The following C5 variants were observed in gnomAD, a reference collection of about 807,000 sequenced individuals.
C5 encodes the protein complement C5.
C5 carries 140 observed loss-of-function variants against 218.8 expected under a neutral mutation model. The ratio of observed to expected loss-of-function variants is 0.64; its 90% confidence interval spans 0.56 to 0.74. The LOEUF (loss-of-function observed/expected upper bound fraction) is 0.74, where lower values mean the gene tolerates loss of function less well. C5 is among the 30% of genes least tolerant of loss of function. The pLI is 0.00. For missense variants in C5, 1,700 were observed against 1,969.6 expected (o/e 0.86, Z 2.59); for synonymous variants, 614 against 682.3 (o/e 0.90, Z 1.56).
chr9:120,963,504 C>CAA (rs111500884), intron 34 of C5, 132 bp downstream of exon 34: 13,051 of 630,438 alleles, frequency 0.021, 783 homozygotes, highest in African/African-American at 0.19. Context: ...AATCCACCTC[C>CAA]AAAAAAAAAA....
rs1285010340 is a variant in C5, at chr9:121,017,491, T to C, written c.1737A>G (p.Ala579=). The change falls in exon 14 of 41, where the codon GCA becomes GCG. Residue 579 remains alanine (A), a synonymous_variant. Transcript: ENST00000223642. ...NQLQVHLSPD[A]DAYSPGQTVS... ...CAGTTTGGCCTGGAGAATATGCATCTGCATCAGGAGACAGATGAACCTAAA... is the reference window on the plus strand; with the variant it reads ...CAGTTTGGCCTGGAGAATATGCATCCGCATCAGGAGACAGATGAACCTAAA... The C allele has an allele frequency of 6.2e-7, 1 of 1,613,890 alleles. No homozygotes were observed. Among genetic ancestry groups the C allele is most frequent in the African/African-American group, 1.3e-5 (1 of 75,062 alleles).
Position 121,013,923 on chromosome 9 carries a change from C to T in C5, c.2207G>A (p.Ser736Asn). 6.2e-7 allele frequency: 1 copy of T among 1,614,180 alleles called. No individual in the cohort carries two copies. The highest frequency in any genetic ancestry group is 1.6e-4 in the Middle Eastern group (1 of 6,062). Residue 736 changes from serine (S) to asparagine (N), a missense_variant, in exon 17 of 41, where the codon AGC (serine) becomes AAC (asparagine). Coordinates refer to ENST00000223642, the MANE Select transcript of C5 (RefSeq NM_001735.3). ...ATGAGAGATATTAGCACGGAGCTGG[C>T]TTGCGACGACACAACATTCAGTGAA... is the stretch of plus-strand genomic sequence containing the variant. ...KAFTECCVVA[S>N]QLRANISHKD...
intron 36 of C5, 97 bp from the exon 37 acceptor site, chr9:120,961,662 T>C: frequency 1.2e-6 from 1 of 806,440 alleles, no homozygotes; most frequent in Non-Finnish European, 2.2e-6. Context: ...CAGAGATTGC[T>C]TATTTTAAAC....
chr9:121,034,598 T>C (rs937859208), intron 5 of C5, among the ~76,000 whole-genome samples: 3 of 152,238 alleles, frequency 2.0e-5, no homozygotes, highest in African/African-American at 7.2e-5. Context: ...CCAATTTTTA[T>C]TTCTATATGT....
At position 120,952,672 on chromosome 9, in the gene C5, C is replaced by T. The variant is rs1428844322; in HGVS notation, c.*67G>A. On this transcript the variant is annotated 3_prime_UTR_variant, in exon 41 of 41. Coordinates refer to ENST00000223642, the MANE Select transcript of C5 (RefSeq NM_001735.3). ...ATGAATGTTTAAAAAAAGAAGAAAA[C>T]AAAAAAACGAACTTCAACAACAGGA... is the stretch of plus-strand genomic sequence containing the variant. The T allele has an allele frequency of 1.3e-6, 2 of 1,565,478 alleles. No homozygotes were observed. The highest frequency in any genetic ancestry group is 2.7e-5 in the African/African-American group (2 of 73,606).
Position 121,023,385 on chromosome 9 carries a change from A to G in C5, c.1116+19T>C, listed in dbSNP as rs778134887. 3.6e-6 allele frequency: 5 copies of G among 1,389,732 alleles called. No homozygotes were observed. Among genetic ancestry groups the G allele is most frequent in the African/African-American group, 2.8e-5 (2 of 70,412 alleles). 86.1% of individuals were successfully genotyped at this position (1,389,732 alleles called of 1,614,324 possible). A position where few individuals can be genotyped will look rare whatever the true frequency, so the allele number is the denominator to read the frequency against. Reference sequence around the variant, plus strand: ...AAGATGATCATATGTAGCAACGTCTACCCCCTCACCCAATCTACCTTGATG... The same window carrying G: ...AAGATGATCATATGTAGCAACGTCTGCCCCCTCACCCAATCTACCTTGATG... On this transcript the variant is annotated intron_variant, in intron 10 of 40. Transcript: ENST00000223642.
At chr9:121,052,530 A>G (rs1030994321), upstream of C5, among the ~76,000 whole-genome samples, 2 of 148,682 alleles carry the variant, frequency 1.3e-5, no homozygotes, top group African/African-American at 5.0e-5. Context: ...TTTCATTTTT[A>G]TACAAATACT....
chr9:120,954,880 A>G (rs546461786), intron 39 of C5, among the ~76,000 whole-genome samples: 1 of 151,416 alleles, frequency 6.6e-6, no homozygotes, highest in Admixed American at 6.6e-5. Flanking sequence ...TATTACGTCA[A>G]TATCTGAGCA....
chr9:120,968,958 G>A (rs536433511), intron 33 of C5, 103 bp downstream of exon 33: 181 of 922,844 alleles, frequency 2.0e-4, no homozygotes, highest in African/African-American at 8.3e-4. Flanking sequence ...GAACAATTTT[G>A]TATCTTCTGG....
At chr9:121,035,631 G>A (rs932878877) in intron 4 of C5, among the ~76,000 whole-genome samples, 2 of 151,960 alleles carry the variant, frequency 1.3e-5, no homozygotes, top group Non-Finnish European at 2.9e-5. Flanking sequence ...GTGCAGTGGT[G>A]TGATCATAGC....
rs776951298 is a variant in C5 at position 121,046,206 on chromosome 9, GT to G, written c.242del (p.Asn81ThrfsTer5). The G allele has an allele frequency of 1.3e-6, 2 of 1,584,268 alleles. No individual in the cohort carries two copies. The highest frequency in any genetic ancestry group is 4.5e-5 in the East Asian group (2 of 44,550). The stretch of plus-strand genomic sequence containing the variant: ...AAATACATACTGTTAAGATTGCAGA[GT>G]TTTGGAATTTATTCTCTGAGGATAA... ...VHLSSENKFQ[N>X]SAILTIQPKQ... On this transcript the variant is annotated frameshift_variant, in exon 2 of 41. Coordinates refer to ENST00000223642, the MANE Select transcript of C5 (RefSeq NM_001735.3). LOFTEE classifies it high-confidence loss of function.
chr9:120,991,656 T>C (rs1327250444), intron 22 of C5, among the ~76,000 whole-genome samples: 1 of 152,208 alleles, frequency 6.6e-6, no homozygotes, highest in East Asian at 1.9e-4. Flanking sequence ...TATTGAACAT[T>C]AGCTCCACAG....
Position 121,046,283 on chromosome 9 carries a change from T to C in C5, c.166A>G (p.Ile56Val), listed in dbSNP as rs1416650386. Residue 56 changes from isoleucine to valine, a missense_variant, in exon 2 of 41, where the codon ATT (isoleucine) becomes GTT (valine). Transcript: ENST00000223642. ...YTEAFDATIS[I>V]KSYPDKKFSY... is the part of the protein sequence containing the mutation. ...AATTTTTTATCAGGATAACTTTTAA[T>C]AGAGATTGTTGCATCAAATGCTTCA... 2.5e-6 allele frequency: 4 copies of C among 1,607,706 alleles called. No homozygotes were observed. The highest frequency in any genetic ancestry group is 1.3e-5 in the African/African-American group (1 of 74,786).
chr9:121,040,908 G>A lies in C5; in HGVS notation c.421+2096C>T, dbSNP rs1179234030. 4.6e-5 allele frequency among the ~76,000 whole-genome samples: 7 copies of A among 151,122 alleles called. 1 individual carries two copies. The highest frequency in any genetic ancestry group is 1.2e-4 in the African/African-American group (5 of 41,172). On this transcript the variant is annotated intron_variant, in intron 3 of 40. Coordinates refer to ENST00000223642, the MANE Select transcript of C5 (RefSeq NM_001735.3). ...GCAAACTTCTCTCATTTTACTCTACGATTAGAATGGATGAGGATATTACAT... is the reference window on the plus strand; with the variant it reads ...GCAAACTTCTCTCATTTTACTCTACAATTAGAATGGATGAGGATATTACAT...
In C5 at chr9:121,032,205, C is replaced by G. The variant is rs550055264; in HGVS notation, c.585-10G>C. The G allele has an allele frequency of 6.6e-7, 1 of 1,525,200 alleles. No homozygotes were observed. The highest frequency in any genetic ancestry group is 9.1e-7 in the Non-Finnish European group (1 of 1,099,670). The allele number at this position is 1,525,200 out of a possible 1,614,324, so 94.5% of individuals were successfully genotyped here. On this transcript the variant is annotated splice_polypyrimidine_tract_variant and intron_variant, in intron 5 of 40. Coordinates refer to ENST00000223642, the MANE Select transcript of C5 (RefSeq NM_001735.3). ...CGTCCACATACCATATCTGTGGAAG[C>G]AAAATATTTAAAATTATAGATGTCA...
chr9:121,025,341 A>G (rs1275295426), intron 9 of C5, 113 bp downstream of exon 9: 1 of 1,185,160 alleles, frequency 8.4e-7, no homozygotes, highest in Non-Finnish European at 1.1e-6. Flanking sequence ...GAAAGAAAAT[A>G]CAATGTGAAA....
At chr9:121,072,525 G>A in the C5 span, among the ~76,000 whole-genome samples, 1 of 152,054 alleles carries the variant, frequency 6.6e-6, no homozygotes, top group African/African-American at 2.4e-5. Flanking sequence ...ATGTAATCTC[G>A]GCAGGGCGCG....
intron 39 of C5, among the ~76,000 whole-genome samples, chr9:120,954,123 A>G (rs2046768214): frequency 6.6e-6 from 1 of 152,196 alleles, no homozygotes. Context: ...CCCTCATCTT[A>G]AGACTGGGCA....
Position 121,030,703 on chromosome 9 carries a change from C to G in C5, c.668-216G>C, listed in dbSNP as rs556712064. On this transcript the variant is annotated intron_variant, in intron 6 of 40. Coordinates refer to ENST00000223642, the MANE Select transcript of C5 (RefSeq NM_001735.3). ...ACAATCAGAGGTCAATCCAGAAGCA[C>G]TTTGCCTATATTTTGATTACAGCAT... Among the ~76,000 whole-genome samples, 6 of 152,324 alleles carry G rather than the reference C, an allele frequency of 3.9e-5. No homozygotes were observed. The South Asian group carries it at 1.2e-3, about 32-fold the overall frequency.
Sources: allele counts gnomAD v4.1 joint callset (sites outside exome capture counted in the v4.1 genomes callset), GRCh38; gene constraint gnomAD v4.1.1; transcripts MANE v1.5; gene names NCBI Gene and HGNC (gene_info 2026-07-23, HGNC 2026-07-21).